Variants in D2HGDH observed in about 807,000 individuals in gnomAD.
D2HGDH encodes D-2-hydroxyglutarate dehydrogenase.
A neutral mutation model predicts 46.9 loss-of-function variants in D2HGDH; 31 were observed. That is an observed-to-expected ratio of 0.66 (90% CI 0.50 to 0.89). The LOEUF is 0.89. Among genes scored for constraint, D2HGDH ranks in the 40% least tolerant of loss-of-function variants. D2HGDH has a pLI of 0.00. For synonymous variants in D2HGDH, 364 were observed against 332.6 expected (o/e 1.09, Z -1.03); for missense variants, 698 against 720.8 (o/e 0.97, Z 0.36).
Position 241,736,670 on chromosome 2 carries a change from CG to C in D2HGDH, c.292+1155del, listed in dbSNP as rs767761189. ...ATTACATCTGCAAAGACCGTTTATC[CG>C]TTTTTTTTTTTTTTGGAGATGAAGT... On this transcript the variant is annotated intron_variant, in intron 2 of 9. Transcript: ENST00000321264. 1.4e-4 allele frequency among the ~76,000 whole-genome samples: 20 copies of C among 147,418 alleles called. 2 individuals are homozygous for C. The highest frequency in any genetic ancestry group is 1.3e-4 in the Non-Finnish European group (9 of 67,000).
chr2:241,756,307 A>G (rs1448234949), intron 9 of D2HGDH, among the ~76,000 whole-genome samples: 6 of 152,192 alleles, frequency 3.9e-5, no homozygotes, highest in Non-Finnish European at 7.4e-5. Context: ...GCAGGGTTGG[A>G]GGGCATCAGC....
At chr2:241,738,833 G>C (rs761998365) in intron 2 of D2HGDH, among the ~76,000 whole-genome samples, 13 of 152,242 alleles carry the variant, frequency 8.5e-5, no homozygotes, top group Non-Finnish European at 1.6e-4. Flanking sequence ...CCACAGGTTT[G>C]GTCCTGAATG....
chr2:241,762,126 C>G (rs1195090884), intron 9 of D2HGDH, among the ~76,000 whole-genome samples: 1 of 138,454 alleles, frequency 7.2e-6, no homozygotes, highest in African/African-American at 2.8e-5. Context: ...GGCTGGAGTG[C>G]AGTGGTGCGA....
rs192190080 is a variant in D2HGDH, at chr2:241,768,103, C to T, written c.*134C>T. 59 of 1,322,280 alleles carry T rather than the reference C, an allele frequency of 4.5e-5. No individual in the cohort carries two copies. The highest frequency in any genetic ancestry group is 3.9e-4 in the South Asian group (26 of 66,118). The allele number at this position is 1,322,280 out of a possible 1,614,324, so 81.9% of individuals were successfully genotyped here. ...CACCTGGTTGAAGGGACTGGGAGCCCGCACTGGGGAACTGCCGGACGCAGG... is the reference window on the plus strand; with the variant it reads ...CACCTGGTTGAAGGGACTGGGAGCCTGCACTGGGGAACTGCCGGACGCAGG... On this transcript the variant is annotated 3_prime_UTR_variant, in exon 10 of 10. Coordinates refer to ENST00000321264, the MANE Select transcript of D2HGDH (RefSeq NM_152783.5).
intron 8 of D2HGDH, among the ~76,000 whole-genome samples, chr2:241,754,258 C>T (rs2125152250): frequency 6.6e-6 from 1 of 152,330 alleles, no homozygotes; most frequent in Admixed American, 6.5e-5. Context: ...CGCAGCCGTG[C>T]CCGTGCGGCT....
In D2HGDH at chr2:241,743,937, C is replaced by A; in HGVS notation, c.684+122C>A. 2 of 1,105,810 alleles carry A rather than the reference C, an allele frequency of 1.8e-6. No individual in the cohort carries two copies. Among genetic ancestry groups the A allele is most frequent in the Non-Finnish European group, 2.6e-6 (2 of 768,182 alleles). The allele number at this position is 1,105,810 out of a possible 1,614,324, so 68.5% of individuals were successfully genotyped here. ...CGGGGTGGGAGGTCTTGGTTCCTGG[C>A]CCTGGGCCCCTCAAGGATGTGTGGG... On this transcript the variant is annotated intron_variant, in intron 5 of 9. Coordinates refer to ENST00000321264, the MANE Select transcript of D2HGDH (RefSeq NM_152783.5). The surrounding 1 kb of genome is among the most constrained non-coding windows in gnomAD (Gnocchi z 4.8).
intron 2 of D2HGDH, among the ~76,000 whole-genome samples, chr2:241,736,464 G>T (rs1056847118): frequency 1.4e-4 from 21 of 152,072 alleles, no homozygotes; most frequent in African/African-American, 5.1e-4. Flanking sequence ...GCTCCTTCCT[G>T]CCTCTTGTAG....
intron 9 of D2HGDH, among the ~76,000 whole-genome samples, chr2:241,764,690 G>A (rs1053639828): frequency 4.6e-5 from 7 of 152,232 alleles, no homozygotes; most frequent in Non-Finnish European, 1.0e-4. Context: ...TTGCCTTTGT[G>A]GGAAAACAGC....
intron 8 of D2HGDH, chr2:241,754,574 G>A (rs562980756): frequency 2.6e-5 from 4 of 152,910 alleles, no homozygotes; most frequent in Admixed American, 2.0e-4. Flanking sequence ...TGTCAGTGTG[G>A]CATTGTGGTT....
At chr2:241,748,948 A>G (rs967719814) in intron 6 of D2HGDH, 6 of 1,289,914 alleles carry the variant, frequency 4.7e-6, no homozygotes, top group African/African-American at 1.5e-5. Context: ...TCCAGGTCTC[A>G]GACAGGAGTC....
intron 2 of D2HGDH, among the ~76,000 whole-genome samples, chr2:241,740,728 C>T (rs1484207817): frequency 1.3e-5 from 2 of 152,172 alleles, no homozygotes; most frequent in East Asian, 1.9e-4. Context: ...GGGCGGATCA[C>T]GAGGTCAGGA....
chr2:241,742,720 GC>G lies in D2HGDH; in HGVS notation c.490+148del. ...GGAAAGAACCAGCGTCTGTAGCCTG[GC>G]CGCCTAGCCCCACCTCGCCCGGCCC... On this transcript the variant is annotated intron_variant, in intron 4 of 9. Transcript: ENST00000321264. The surrounding 1 kb of genome is among the most constrained non-coding windows in gnomAD (Gnocchi z 4.8). 9.4e-7 allele frequency: 1 copy of G among 1,059,720 alleles called. No individual in the cohort carries two copies. Among genetic ancestry groups the G allele is most frequent in the Non-Finnish European group, 1.4e-6 (1 of 703,902 alleles). The allele number at this position is 1,059,720 out of a possible 1,614,324, so 65.6% of individuals were successfully genotyped here. A position where few individuals can be genotyped will look rare whatever the true frequency, so the allele number is the denominator to read the frequency against.
chr2:241,759,407 C>T (rs1575327363), intron 9 of D2HGDH, among the ~76,000 whole-genome samples: 1 of 152,320 alleles, frequency 6.6e-6, no homozygotes, highest in South Asian at 2.1e-4. Flanking sequence ...GCGATGGACT[C>T]GCTCTTTATC....
rs543165123 is a variant in D2HGDH at position 241,768,032 on chromosome 2, T to A, written c.*63T>A. 24 of 1,516,110 alleles carry A rather than the reference T, an allele frequency of 1.6e-5. No individual in the cohort carries two copies. The highest frequency in any genetic ancestry group is 6.2e-6 in the Non-Finnish European group (7 of 1,135,356). The allele number at this position is 1,516,110 out of a possible 1,614,324, so 93.9% of individuals were successfully genotyped here. A position where few individuals can be genotyped will look rare whatever the true frequency, so the allele number is the denominator to read the frequency against. On this transcript the variant is annotated 3_prime_UTR_variant, in exon 10 of 10. Transcript: ENST00000321264. ...GGCGGGTGGCTCTCGGGCGGGGGTG[T>A]TGCGGTGGCTCTGAGGGATGAGCCG...
chr2:241,763,864 C>T (rs1046889599), intron 9 of D2HGDH, among the ~76,000 whole-genome samples: 3 of 151,936 alleles, frequency 2.0e-5, no homozygotes, highest in Admixed American at 2.0e-4. Context: ...ACCGGCCCCC[C>T]ACCCCCGACC....
intron 6 of D2HGDH, chr2:241,749,927 T>A: frequency 1.6e-6 from 1 of 621,686 alleles, no homozygotes. Flanking sequence ...GTGGTGACAC[T>A]AGGTGTGCAC....
At chr2:241,749,668 A>G (rs1271842832) in intron 6 of D2HGDH, 1 of 324,522 alleles carries the variant, frequency 3.1e-6, no homozygotes, top group African/African-American at 2.2e-5. Context: ...AATTCCCAAG[A>G]TACGCCCCCT....
At chr2:241,747,398 T>G (rs200432450) in intron 6 of D2HGDH, among the ~76,000 whole-genome samples, 1 of 34,754 alleles carries the variant, frequency 2.9e-5, no homozygotes, top group African/African-American at 5.1e-4. Context: ...GAGGGTTTGC[T>G]TTTGCTTTTG....
intron 2 of D2HGDH, among the ~76,000 whole-genome samples, chr2:241,739,812 C>T (rs777988736): frequency 3.3e-5 from 5 of 152,216 alleles, no homozygotes; most frequent in African/African-American, 4.8e-5. Flanking sequence ...TACATAAACA[C>T]GTCAGTGAGA....
Sources: gnomAD v4.1 joint callset for allele counts (sites outside exome capture counted in the v4.1 genomes callset) on GRCh38, gnomAD v4.1.1 for gene constraint, Gnocchi (gnomAD v3.1) non-coding constraint, MANE v1.5 for transcripts, NCBI Gene and HGNC (gene_info 2026-07-23, HGNC 2026-07-21) for gene names.